Variants in AKNA observed in about 807,000 individuals in gnomAD.
AKNA encodes microtubule organization protein AKNA.
Under a neutral mutation model 138.8 loss-of-function variants are expected in AKNA, and 67 were observed. That is an observed-to-expected ratio of 0.48 (90% CI 0.40 to 0.59). The LOEUF is 0.59. Ranked by LOEUF, AKNA falls within the 20% of genes least tolerant of loss-of-function variation. The pLI is 0.00. For synonymous variants in AKNA, 737 were observed against 754.4 expected, an observed-to-expected ratio of 0.98 and a Z score of 0.38; for missense variants, 1,813 against 1,880.4, an observed-to-expected ratio of 0.96 and a Z score of 0.66.
Position 114,380,987 on chromosome 9 carries a change from A to G in AKNA, c.274+73T>C. The G allele has an allele frequency of 2.2e-6, 3 of 1,352,772 alleles. No homozygotes were observed. In the African/African-American group the frequency reaches 5.4e-5, roughly 24 times the overall value. 83.8% of individuals were successfully genotyped at this position (1,352,772 alleles called of 1,614,324 possible). On this transcript the variant is annotated intron_variant, in intron 2 of 21. Coordinates refer to ENST00000374088, the MANE Select transcript of AKNA (RefSeq NM_001317950.2). ...ATGAAGCAAGACTCTGTCTCAAAAA[A>G]AAAAAAAAAAAAAAGAACGTGTGAT...
At chr9:114,351,616 T>C (rs1831126789) in intron 14 of AKNA, among the ~76,000 whole-genome samples, 1 of 149,508 alleles carries the variant, frequency 6.7e-6, no homozygotes, top group Non-Finnish European at 1.5e-5. Context: ...AGTTTGAGTC[T>C]AGCCTAGGTA....
Position 114,347,809 on chromosome 9 carries a change from G to A in AKNA, c.3313C>T (p.Arg1105Cys), listed in dbSNP as rs748140442. 40 of 1,551,778 alleles carry A rather than the reference G, an allele frequency of 2.6e-5. No homozygotes were observed. The East Asian group carries it at 3.9e-4, about 15-fold the overall frequency. The change falls in exon 16 of 22, where the codon CGC becomes TGC. Residue 1105 changes from arginine to cysteine, a missense_variant. Arg to Cys is a radical substitution (Grantham distance 180). Coordinates refer to ENST00000374088, the MANE Select transcript of AKNA (RefSeq NM_001317950.2). Reference sequence around the variant, plus strand: ...GGGCGGTCAAAGGCAGATGCTGGGCGTGTCGGGCTGCCCTGGAGTGGCTGG... The same window carrying A: ...GGGCGGTCAAAGGCAGATGCTGGGCATGTCGGGCTGCCCTGGAGTGGCTGG... ...LHQPLQGSPT[R>C]PASAFDRPAR... is the part of the protein sequence containing the mutation.
intron 4 of AKNA, 45 bp from the exon 5 acceptor site, chr9:114,368,640 C>A: frequency 7.6e-7 from 1 of 1,319,140 alleles, no homozygotes; most frequent in South Asian, 2.8e-5. Context: ...AGGGTAGGGG[C>A]AAACCCACCT....
chr9:114,344,552 T>C (rs1830557551), intron 18 of AKNA: 1 of 152,220 alleles, frequency 6.6e-6, no homozygotes, highest in Non-Finnish European at 1.5e-5. Flanking sequence ...TGGCTTTGTG[T>C]ATGTGGAGCT....
chr9:114,363,687 T>C (rs1832133248), intron 7 of AKNA, among the ~76,000 whole-genome samples: 1 of 152,164 alleles, frequency 6.6e-6, no homozygotes, highest in South Asian at 2.1e-4. Flanking sequence ...GCTGTCTACC[T>C]GCTGGCTTCT....
At chr9:114,340,001 A>C (rs1830232592) in intron 21 of AKNA, among the ~76,000 whole-genome samples, 2 of 152,212 alleles carry the variant, frequency 1.3e-5, no homozygotes, top group Non-Finnish European at 2.9e-5. Context: ...TGAGAGGAGG[A>C]GGCATGAGAA....
Position 114,367,615 on chromosome 9 carries a change from G to A in AKNA, c.1656C>T (p.Asp552=). 4 of 1,608,710 alleles carry A rather than the reference G, an allele frequency of 2.5e-6. No individual in the cohort carries two copies. The highest frequency in any genetic ancestry group is 3.4e-6 in the Non-Finnish European group (4 of 1,175,736). ...CTGCTGAGGACTGGTCCTCAGAGAT[G>A]TCCCGGTTCTCCGGAAGCCACCCCA... ...PTLGWLPENR[D]ISEDQSSAEQ... The change falls in exon 6 of 22, where the codon GAC becomes GAT. Residue 552 remains aspartate, a synonymous_variant. Transcript: ENST00000374088.
upstream of AKNA, among the ~76,000 whole-genome samples, chr9:114,391,732 C>G (rs1054166679): frequency 1.3e-5 from 2 of 151,756 alleles, no homozygotes; most frequent in Non-Finnish European, 2.9e-5. Flanking sequence ...GCCTGTAATC[C>G]TCCCTGTAAT....
chr9:114,377,918 A>T lies in AKNA; in HGVS notation c.275-386T>A, dbSNP rs1026421530. 3.3e-5 allele frequency among the ~76,000 whole-genome samples: 5 copies of T among 152,094 alleles called. No individual in the cohort carries two copies. In the South Asian group the frequency reaches 1.0e-3, roughly 32 times the overall value. Reference sequence around the variant, plus strand: ...GACCTCCTATAAAGATCGCAAACTCATCTACTGCTCTGAAGTCTACCACCA... The same window carrying T: ...GACCTCCTATAAAGATCGCAAACTCTTCTACTGCTCTGAAGTCTACCACCA... On this transcript the variant is annotated intron_variant, in intron 2 of 21. Coordinates refer to ENST00000374088, the MANE Select transcript of AKNA (RefSeq NM_001317950.2).
At position 114,376,816 on chromosome 9, in the gene AKNA, G is replaced by A. The variant is rs1319734437; in HGVS notation, c.991C>T (p.Leu331=). The part of the protein sequence containing the change: ...QPRPTRQGRP[L]PRQGATLAGR... ...GCCAGAGTGGCTCCCTGTCTGGGCA[G>A]CGGCCTGCCCTGCCGCGTTGGCCTG... The change falls in exon 3 of 22, where the codon CTG becomes TTG. Residue 331 remains leucine (L), a synonymous_variant. Coordinates refer to ENST00000374088, the MANE Select transcript of AKNA (RefSeq NM_001317950.2). 1 of 1,612,110 alleles carries A rather than the reference G, an allele frequency of 6.2e-7. No homozygotes were observed. Among genetic ancestry groups the A allele is most frequent in the Non-Finnish European group, 8.5e-7 (1 of 1,179,030 alleles).
chr9:114,363,939 G>T (rs1425238825), intron 7 of AKNA, among the ~76,000 whole-genome samples: 1 of 152,014 alleles, frequency 6.6e-6, no homozygotes, highest in African/African-American at 2.4e-5. Flanking sequence ...AATCTAAATT[G>T]TATTTATGAC....
At chr9:114,339,866 G>A (rs1351327923) in intron 21 of AKNA, among the ~76,000 whole-genome samples, 1 of 152,224 alleles carries the variant, frequency 6.6e-6, no homozygotes, top group Non-Finnish European at 1.5e-5. Context: ...GGAGGCCAAT[G>A]CGGGCAGATC....
intron 6 of AKNA, 29 bp from the exon 7 acceptor site, chr9:114,364,648 C>T (rs763595191): frequency 5.6e-6 from 9 of 1,610,186 alleles, no homozygotes; most frequent in Admixed American, 3.3e-5. Flanking sequence ...AGGAAATATG[C>T]TCCATTAATC....
intron 9 of AKNA, 36 bp from the exon 10 acceptor site, chr9:114,360,098 A>T: frequency 6.2e-7 from 1 of 1,613,614 alleles, no homozygotes; most frequent in Admixed American, 1.7e-5. Context: ...GAGATTCAGC[A>T]GATAGTTAAA....
intron 3 of AKNA, 158 bp downstream of exon 3, chr9:114,376,308 A>AATTAGCCT (rs1833191204): frequency 1.6e-5 from 3 of 191,584 alleles, no homozygotes; most frequent in Non-Finnish European, 2.1e-5. Flanking sequence ...TCCCCACCCC[A>AATTAGCCT]CCAGCCTCCG....
At chr9:114,362,362 G>T in intron 8 of AKNA, 44 bp downstream of exon 8, 2 of 1,581,586 alleles carry the variant, frequency 1.3e-6, no homozygotes, top group South Asian at 2.3e-5. Flanking sequence ...GACCCCAGGG[G>T]CCCATCCCAT....
intron 14 of AKNA, among the ~76,000 whole-genome samples, chr9:114,352,319 C>T (rs556896736): frequency 5.9e-5 from 9 of 152,274 alleles, no homozygotes; most frequent in South Asian, 4.1e-4. Context: ...AATTAAAGGC[C>T]GGGCGTGGCG....
At chr9:114,387,839 T>C (rs1359633140) in intron 1 of AKNA, 21 bp downstream of exon 1, 1 of 442,242 alleles carries the variant, frequency 2.3e-6, no homozygotes, top group Non-Finnish European at 4.6e-6. Context: ...TCCCGGGCCC[T>C]CCTCCGTTCC....
upstream of AKNA, chr9:114,388,042 G>A: frequency 3.3e-5 from 9 of 271,312 alleles, 1 homozygote; most frequent in Middle Eastern, 3.6e-3. Flanking sequence ...CGCCCCTGCC[G>A]TGGTTGAGGC....
Sources: allele counts gnomAD v4.1 joint callset (sites outside exome capture counted in the v4.1 genomes callset), GRCh38; gene constraint gnomAD v4.1.1; transcripts MANE v1.5; gene names NCBI Gene and HGNC (gene_info 2026-07-23, HGNC 2026-07-21).